Variants in DLG2 observed in about 807,000 individuals in gnomAD.
DLG2 encodes the protein disks large homolog 2.
A neutral mutation model predicts 132.5 loss-of-function variants in DLG2; 45 were observed. The ratio of observed to expected loss-of-function variants is 0.34; its 90% CI spans 0.27 to 0.44. DLG2 has a LOEUF of 0.44. DLG2 is among the 20% of genes least tolerant of loss of function. The pLI is 1.00. For missense variants in DLG2, 1,045 were observed against 1,196.9 expected, an observed-to-expected ratio of 0.87 and a Z score of 1.87; for synonymous variants, 424 against 419.6, an observed-to-expected ratio of 1.01 and a Z score of -0.13.
intron 14 of DLG2, among the ~76,000 whole-genome samples, chr11:83,950,547 C>A (rs925585930): frequency 1.3e-5 from 2 of 152,150 alleles, no homozygotes; most frequent in Non-Finnish European, 2.9e-5. Flanking sequence ...GAGCTGAGAT[C>A]GTGCCATTGC....
intron 7 of DLG2, among the ~76,000 whole-genome samples, chr11:84,286,310 T>C (rs1200676584): frequency 1.3e-5 from 2 of 152,076 alleles, no homozygotes; most frequent in African/African-American, 4.8e-5. Context: ...ATATTAAATA[T>C]AAGAGAGGTG....
At chr11:84,374,486 AT>A (rs532959823) in intron 7 of DLG2, among the ~76,000 whole-genome samples, 3 of 151,970 alleles carry the variant, frequency 2.0e-5, no homozygotes, top group Non-Finnish European at 2.9e-5. Flanking sequence ...TTAATCTGTG[AT>A]TTTTTTTAGC....
At chr11:84,991,262 C>G (rs970396382) in intron 6 of DLG2, among the ~76,000 whole-genome samples, 6 of 152,076 alleles carry the variant, frequency 3.9e-5, no homozygotes, top group Non-Finnish European at 8.8e-5. Context: ...GTAATCCCAG[C>G]AATTTGGGGG....
Position 85,285,304 on chromosome 11 carries a change from T to C in DLG2, c.102A>G (p.Ile34Met), listed in dbSNP as rs757233986. The C allele has an allele frequency of 6.2e-7, 1 of 1,612,168 alleles. No individual in the cohort carries two copies. Among genetic ancestry groups the C allele is most frequent in the Non-Finnish European group, 8.5e-7 (1 of 1,178,702 alleles). Residue 34 changes from isoleucine (I) to methionine (M), a missense_variant, in exon 4 of 28, where the codon ATA becomes ATG. Ile to Met is a conservative substitution (Grantham distance 10). Around this residue, in one of 4 missense-constraint regions of DLG2, gnomAD observed 277 missense variants for 238.2 expected, o/e 1.16. Coordinates refer to ENST00000376104, the MANE Select transcript of DLG2 (RefSeq NM_001142699.3). ...LNSQKSCEQK[I>M]EEANQVLQKW... ...TCTGTAAAACTTGATTGGCTTCTTC[T>C]ATCTTCTGCTCACAACTTTTTTGAG...
chr11:84,996,589 T>G (rs2057671732), intron 6 of DLG2, among the ~76,000 whole-genome samples: 2 of 152,326 alleles, frequency 1.3e-5, no homozygotes, highest in South Asian at 2.1e-4. Context: ...CCTACTTATC[T>G]TTTTATAATG....
intron 7 of DLG2, among the ~76,000 whole-genome samples, chr11:84,459,067 T>G (rs1053076242): frequency 6.6e-6 from 1 of 150,686 alleles, no homozygotes; most frequent in Non-Finnish European, 1.5e-5. Context: ...TCCCTAAGCC[T>G]GCACTCTTAA....
chr11:85,290,859 C>T (rs538605421), intron 3 of DLG2, among the ~76,000 whole-genome samples: 2 of 152,170 alleles, frequency 1.3e-5, no homozygotes, highest in South Asian at 2.1e-4. Context: ...ACAGTTAGGT[C>T]TTCAATTGTC....
intron 18 of DLG2, among the ~76,000 whole-genome samples, chr11:83,783,896 G>A (rs933670115): frequency 1.3e-5 from 2 of 151,942 alleles, no homozygotes; most frequent in Non-Finnish European, 2.9e-5. Flanking sequence ...CTGATCATAT[G>A]TTACCAGGAA....
chr11:84,522,138 A>G (rs549793462), intron 7 of DLG2, among the ~76,000 whole-genome samples: 1 of 152,008 alleles, frequency 6.6e-6, no homozygotes, highest in Non-Finnish European at 1.5e-5. Context: ...ACTGCACTCC[A>G]GCCTGGGCGA....
chr11:84,583,843 A>G (rs2099522452), intron 6 of DLG2, among the ~76,000 whole-genome samples: 1 of 152,172 alleles, frequency 6.6e-6, no homozygotes, highest in African/African-American at 2.4e-5. Context: ...TGACTTGCTC[A>G]ACATCATGAT....
At chr11:83,572,820 T>TGA (rs2096820560) in intron 19 of DLG2, among the ~76,000 whole-genome samples, 1 of 152,100 alleles carries the variant, frequency 6.6e-6, no homozygotes, top group Non-Finnish European at 1.5e-5. Context: ...CTGAATGAAC[T>TGA]CCTTAATTCG....
intron 3 of DLG2, among the ~76,000 whole-genome samples, chr11:85,307,499 AT>A (rs1212710546): frequency 6.6e-6 from 1 of 152,120 alleles, no homozygotes; most frequent in Non-Finnish European, 1.5e-5. Context: ...TTCTTCAAGC[AT>A]TTTTTTAGCA....
At chr11:85,149,474 C>T (rs1413084000) in intron 5 of DLG2, among the ~76,000 whole-genome samples, 2 of 152,124 alleles carry the variant, frequency 1.3e-5, no homozygotes, top group Non-Finnish European at 2.9e-5. Flanking sequence ...TCTTGATTAT[C>T]TGATGCCACT....
In DLG2 at chr11:85,285,230, T is replaced by G; in HGVS notation, c.176A>C (p.Lys59Thr). Residue 59 changes from lysine to threonine, a missense_variant, in exon 4 of 28, where the codon AAA becomes ACA. This residue lies in a region of DLG2 where 277 missense variants were observed against 238.2 expected (regional missense o/e 1.16). Coordinates refer to ENST00000376104, the MANE Select transcript of DLG2 (RefSeq NM_001142699.3). Reference protein sequence around the residue: ...LLAPCHDRLQKSSELTDCSGS... With the variant: ...LLAPCHDRLQTSSELTDCSGS... ...GTTTCAGTAGTATACCTCTGAAGAT[T>G]TTTGAAGTCTGTCATGGCACGGAGC... The G allele has an allele frequency of 6.2e-7, 1 of 1,611,382 alleles. No homozygotes were observed. Among genetic ancestry groups the G allele is most frequent in the Non-Finnish European group, 8.5e-7 (1 of 1,178,352 alleles).
chr11:84,624,720 G>T (rs938419414), intron 6 of DLG2, among the ~76,000 whole-genome samples: 1 of 151,188 alleles, frequency 6.6e-6, no homozygotes, highest in South Asian at 2.1e-4. Flanking sequence ...CATTTTCAGT[G>T]AACATCACAG....
At chr11:83,665,987 T>C (rs2075441663) in intron 18 of DLG2, among the ~76,000 whole-genome samples, 1 of 151,996 alleles carries the variant, frequency 6.6e-6, no homozygotes, top group South Asian at 2.1e-4. Context: ...TGACCCACTA[T>C]CTCCCCCATG....
At chr11:83,752,051 G>A (rs1566822679) in intron 18 of DLG2, among the ~76,000 whole-genome samples, 2 of 152,132 alleles carry the variant, frequency 1.3e-5, no homozygotes, top group Non-Finnish European at 1.5e-5. Flanking sequence ...GGTGGATCAC[G>A]AGGTCAGGAG....
At chr11:84,249,070 A>T (rs1042830664) in intron 8 of DLG2, among the ~76,000 whole-genome samples, 1 of 152,246 alleles carries the variant, frequency 6.6e-6, no homozygotes, top group Non-Finnish European at 1.5e-5. Flanking sequence ...TTATTTCTAC[A>T]TGAGGATATC....
At chr11:85,275,009 C>T (rs1192834714) in intron 4 of DLG2, among the ~76,000 whole-genome samples, 1 of 152,142 alleles carries the variant, frequency 6.6e-6, no homozygotes, top group Middle Eastern at 3.2e-3. Context: ...CCTGTATCTT[C>T]GGGAAGATAC....
Sources: allele counts gnomAD v4.1 joint callset (sites outside exome capture counted in the v4.1 genomes callset), GRCh38; gene constraint gnomAD v4.1.1; regional missense constraint gnomAD v4.1.1; transcripts MANE v1.5; gene names NCBI Gene and HGNC (gene_info 2026-07-23, HGNC 2026-07-21).